Variants in DNAJC13 observed in about 807,000 individuals in gnomAD.
DNAJC13 encodes the protein DnaJ heat shock protein family (Hsp40) member C13.
A neutral mutation model predicts 290.5 loss-of-function variants in DNAJC13; 75 were observed. The ratio of observed to expected loss-of-function variants is 0.26; its 90% CI spans 0.21 to 0.31. The LOEUF (loss-of-function observed/expected upper bound fraction) is 0.31, where lower values mean the gene tolerates loss of function less well. DNAJC13 is among the 10% of genes least tolerant of loss of function. The pLI is 1.00. For missense variants in DNAJC13, 2,260 were observed against 2,674.5 expected, an observed-to-expected ratio of 0.85 and a Z score of 3.42; for synonymous variants, 862 against 892.0, an observed-to-expected ratio of 0.97 and a Z score of 0.60.
At chr3:132,466,517 T>G (rs923266059) in intron 19 of DNAJC13, 123 bp downstream of exon 19, 5 of 624,888 alleles carry the variant, frequency 8.0e-6, no homozygotes, top group African/African-American at 7.6e-5. Flanking sequence ...ATAGTATACT[T>G]AACTATTGAT....
intron 17 of DNAJC13, among the ~76,000 whole-genome samples, chr3:132,464,912 T>C (rs77503154): frequency 0.014 from 2,169 of 152,254 alleles, 59 homozygotes; most frequent in African/African-American, 0.05. Context: ...GTTAGTAATA[T>C]TTGAATTACA....
intron 41 of DNAJC13, among the ~76,000 whole-genome samples, chr3:132,504,310 G>T (rs887741767): frequency 1.7e-4 from 24 of 140,286 alleles, no homozygotes; most frequent in African/African-American, 2.6e-4. Flanking sequence ...GATGCTACTG[G>T]TTTTTTTTTT....
chr3:132,478,257 C>A (rs1934539969), intron 24 of DNAJC13, 117 bp downstream of exon 24: 3 of 853,120 alleles, frequency 3.5e-6, no homozygotes, highest in Admixed American at 3.2e-5. Flanking sequence ...TTTCTGCATT[C>A]ATTTTTCTGT....
intron 1 of DNAJC13, among the ~76,000 whole-genome samples, chr3:132,420,659 A>G (rs1938928545): frequency 6.6e-6 from 1 of 152,218 alleles, no homozygotes; most frequent in African/African-American, 2.4e-5. Flanking sequence ...CAAAGAATCA[A>G]ACAGGCATTG....
intron 2 of DNAJC13, among the ~76,000 whole-genome samples, chr3:132,446,064 A>T (rs1933235845): frequency 6.6e-6 from 1 of 151,986 alleles, no homozygotes; most frequent in African/African-American, 2.4e-5. Context: ...CCCAGGCCAT[A>T]GCTTTTCCTT....
At chr3:132,504,483 A>G (rs766919333) in intron 41 of DNAJC13, among the ~76,000 whole-genome samples, 7 of 152,156 alleles carry the variant, frequency 4.6e-5, no homozygotes, top group Non-Finnish European at 1.0e-4. Context: ...TTTGGGATTA[A>G]CCTTTATAGC....
In DNAJC13 at chr3:132,450,639, G is replaced by A. The variant is rs748829872; in HGVS notation, c.337-8G>A. On this transcript the variant is annotated splice_polypyrimidine_tract_variant and splice_region_variant and intron_variant, in intron 5 of 55. Transcript: ENST00000260818. ...TGAACCTAAAAGTAATACTGATTCT[G>A]TCTTTAGAGATACAACTGCTATAAG... is the stretch of plus-strand genomic sequence containing the variant. 1.3e-6 allele frequency: 2 copies of A among 1,596,456 alleles called. No homozygotes were observed. The highest frequency in any genetic ancestry group is 1.3e-5 in the African/African-American group (1 of 74,462).
At position 132,503,382 on chromosome 3, in the gene DNAJC13, G is replaced by T. The variant is rs770044993; in HGVS notation, c.4884+1G>T. The T allele has an allele frequency of 1.9e-6, 3 of 1,613,900 alleles. No individual in the cohort carries two copies. Among genetic ancestry groups the T allele is most frequent in the Admixed American group, 1.7e-5 (1 of 60,018 alleles). On this transcript the variant is annotated splice_donor_variant, in intron 41 of 55. Coordinates refer to ENST00000260818, the MANE Select transcript of DNAJC13 (RefSeq NM_015268.4). LOFTEE classifies it high-confidence loss of function. ...ACTTGCTGTGGCTAGTGTGACTGAG[G>T]TATGTGCTTCACAGGTAGCCTGGGT...
chr3:132,523,254 T>G, intron 50 of DNAJC13, 55 bp downstream of exon 50: 2 of 1,588,580 alleles, frequency 1.3e-6, no homozygotes, highest in Admixed American at 3.3e-5. Flanking sequence ...TTGTTTTCAC[T>G]TTCTACTGAG....
chr3:132,536,924 C>A (rs559916594), intron 55 of DNAJC13, among the ~76,000 whole-genome samples: 2 of 152,282 alleles, frequency 1.3e-5, no homozygotes, highest in Admixed American at 1.3e-4. Context: ...AGTACCTGGG[C>A]ACTCTGGTTG....
intron 8 of DNAJC13, 118 bp from the exon 9 acceptor site, chr3:132,453,948 G>GTAAAC: frequency 1.2e-6 from 1 of 868,662 alleles, no homozygotes; most frequent in Non-Finnish European, 1.8e-6. Context: ...CTCTTATATT[G>GTAAAC]TAAACAAGTC....
rs745309509 is a variant in DNAJC13 at position 132,491,001 on chromosome 3, T to G, written c.3573T>G (p.Ile1191Met). The G allele has an allele frequency of 1.2e-6, 2 of 1,612,974 alleles. No individual in the cohort carries two copies. The highest frequency in any genetic ancestry group is 1.7e-6 in the Non-Finnish European group (2 of 1,179,530). ...ATGAACCTGAAAAGTTTTCTGAGAT[T>G]TTTCTAGGAGAATTTGATACTCCAG... ...ENYEPEKFSE[I>M]FLGEFDTPEA... Residue 1191 changes from isoleucine to methionine, a missense_variant, in exon 32 of 56, where the codon ATT (isoleucine) becomes ATG (methionine). Physicochemically the swap from Ile to Met is conservative, Grantham distance 10 (BLOSUM62 1). This residue lies in a region of DNAJC13 where 1,494 missense variants were observed against 1,693.7 expected (regional missense o/e 0.88). Coordinates refer to ENST00000260818, the MANE Select transcript of DNAJC13 (RefSeq NM_015268.4).
At position 132,528,803 on chromosome 3, in the gene DNAJC13, ATG is replaced by A. The variant is rs758546939; in HGVS notation, c.6525+477_6525+478del. On this transcript the variant is annotated intron_variant, in intron 54 of 55. Coordinates refer to ENST00000260818, the MANE Select transcript of DNAJC13 (RefSeq NM_015268.4). ...CTTTGGTCGTGACTTTGTTTTTCCT[ATG>A]TGTGTTAATGTATTTCAGCTGCACG... Among the ~76,000 whole-genome samples, 232 of 149,470 alleles carry A rather than the reference ATG, an allele frequency of 1.6e-3. 1 individual carries two copies. Among genetic ancestry groups the A allele is most frequent in the Admixed American group, 3.3e-3 (49 of 14,980 alleles).
chr3:132,483,641 G>A (rs1250032357), intron 28 of DNAJC13, 64 bp downstream of exon 28: 2 of 1,495,536 alleles, frequency 1.3e-6, no homozygotes, highest in African/African-American at 1.4e-5. Context: ...GCATAGAATC[G>A]GTCTGGTGTT....
intron 55 of DNAJC13, among the ~76,000 whole-genome samples, chr3:132,532,218 C>G (rs1023611937): frequency 1.3e-5 from 2 of 152,074 alleles, no homozygotes; most frequent in African/African-American, 4.8e-5. Flanking sequence ...GGTTTCTAAG[C>G]CATTGTAATT....
chr3:132,455,972 G>A (rs778750267), intron 9 of DNAJC13, among the ~76,000 whole-genome samples: 2 of 152,096 alleles, frequency 1.3e-5, no homozygotes, highest in East Asian at 1.9e-4. Context: ...AATTAGAACC[G>A]AGTAAAGCTG....
In DNAJC13 at chr3:132,446,385, T is replaced by C. The variant is rs1461093190; in HGVS notation, c.69-90T>C. ...ATTAATCAACTAACACATTTCTATG[T>C]ATTGAACTGTTTGTTTTGTGTTATA... is the stretch of plus-strand genomic sequence containing the variant. On this transcript the variant is annotated intron_variant, in intron 2 of 55. Transcript: ENST00000260818. The C allele has an allele frequency of 3.7e-6, 3 of 817,178 alleles. No homozygotes were observed. The African/African-American group carries it at 5.2e-5, about 14-fold the overall frequency. 50.6% of individuals were successfully genotyped at this position (817,178 alleles called of 1,614,324 possible).
Position 132,538,344 on chromosome 3 carries a change from A to C in DNAJC13, c.*62A>C, listed in dbSNP as rs1936661659. The C allele has an allele frequency of 7.4e-7, 1 of 1,354,434 alleles. No homozygotes were observed. The highest frequency in any genetic ancestry group is 1.0e-6 in the Non-Finnish European group (1 of 959,236). The allele number at this position is 1,354,434 out of a possible 1,614,324, so 83.9% of individuals were successfully genotyped here. On this transcript the variant is annotated 3_prime_UTR_variant, in exon 56 of 56. Transcript: ENST00000260818. ...TGCCAAGTCCACATTCCTCCAGCTG[A>C]TACGTTGAAGCAAACTCTTACTGCC... is the stretch of plus-strand genomic sequence containing the variant.
intron 22 of DNAJC13, among the ~76,000 whole-genome samples, chr3:132,477,438 T>C (rs961052358): frequency 6.6e-6 from 1 of 152,212 alleles, no homozygotes; most frequent in Non-Finnish European, 1.5e-5. Context: ...AGCTGTGGGA[T>C]AGAGGGAAGA....
Sources: allele counts gnomAD v4.1 joint callset (sites outside exome capture counted in the v4.1 genomes callset), GRCh38; gene constraint gnomAD v4.1.1; regional missense constraint gnomAD v4.1.1; transcripts MANE v1.5; gene names NCBI Gene and HGNC (gene_info 2026-07-23, HGNC 2026-07-21).